The following SERPINI1 variants were observed in gnomAD, a reference collection of about 807,000 sequenced individuals.
SERPINI1 encodes the protein serpin family I member 1, also known as neuroserpin.
In SERPINI1, 19 loss-of-function variants were observed where a neutral mutation model predicts 41.1. The ratio of observed to expected loss-of-function variants is 0.46; its 90% CI spans 0.32 to 0.68. The LOEUF is 0.68. Among genes scored for constraint, SERPINI1 ranks in the 30% least tolerant of loss-of-function variants. The probability of loss-of-function intolerance (pLI) is 0.03; values close to 1 mark genes in which losing one functional copy is unlikely to be tolerated. For missense variants in SERPINI1, 460 were observed against 479.2 expected (o/e 0.96, Z 0.37); for synonymous variants, 138 against 156.6 (o/e 0.88, Z 0.89).
chr3:167,824,194 C>A (rs3792298), intron 7 of SERPINI1, among the ~76,000 whole-genome samples: 29,418 of 151,964 alleles, frequency 0.19, 2,974 homozygotes, highest in Non-Finnish European at 0.22. Context: ...TCATAACAAG[C>A]AGAATAAATT....
chr3:167,742,820 G>T (rs948108554), intron 1 of SERPINI1, among the ~76,000 whole-genome samples: 10 of 61,898 alleles, frequency 1.6e-4, no homozygotes, highest in Non-Finnish European at 2.3e-4. Flanking sequence ...GTGCCGTTTT[G>T]TGTGTGTGTG....
At chr3:167,786,587 G>A (rs189829625) in intron 1 of SERPINI1, among the ~76,000 whole-genome samples, 1 of 151,628 alleles carries the variant, frequency 6.6e-6, no homozygotes. Flanking sequence ...AATGGAGCTT[G>A]CATGGGTAGA....
intron 1 of SERPINI1, among the ~76,000 whole-genome samples, chr3:167,749,316 C>G (rs948559142): frequency 2.0e-5 from 3 of 152,134 alleles, no homozygotes; most frequent in Non-Finnish European, 4.4e-5. Flanking sequence ...TTGACTCCTT[C>G]TCAACATCCA....
chr3:167,780,218 A>C (rs1425617404), intron 1 of SERPINI1, among the ~76,000 whole-genome samples: 2 of 152,162 alleles, frequency 1.3e-5, no homozygotes, highest in African/African-American at 4.8e-5. Flanking sequence ...TTCATAGTGC[A>C]TTTCCTGATT....
At chr3:167,748,907 G>C (rs1041336063) in intron 1 of SERPINI1, among the ~76,000 whole-genome samples, 1 of 151,960 alleles carries the variant, frequency 6.6e-6, no homozygotes, top group Admixed American at 6.6e-5. Flanking sequence ...ATTTGGGTTT[G>C]TTACCACTAG....
At chr3:167,779,561 A>C (rs1333792208) in intron 1 of SERPINI1, among the ~76,000 whole-genome samples, 1 of 152,228 alleles carries the variant, frequency 6.6e-6, no homozygotes, top group African/African-American at 2.4e-5. Flanking sequence ...AGAAAACTTC[A>C]AAACCCATAG....
chr3:167,790,413 A>G lies in SERPINI1; in HGVS notation c.292A>G (p.Thr98Ala). 1.2e-6 allele frequency: 2 copies of G among 1,613,990 alleles called. No homozygotes were observed. Among genetic ancestry groups the G allele is most frequent in the South Asian group, 2.2e-5 (2 of 91,076 alleles). Reference sequence around the variant, plus strand: ...CTTGAAGGAGTTTTCAAACATGGTAACTGCTAAAGAGAGCCAATATGTGAT... The same window carrying G: ...CTTGAAGGAGTTTTCAAACATGGTAGCTGCTAAAGAGAGCCAATATGTGAT... ...SFLKEFSNMV[T>A]AKESQYVMKI... is the part of the protein sequence containing the mutation. Residue 98 changes from threonine to alanine, a missense_variant, in exon 3 of 9, where the codon ACT becomes GCT. Transcript: ENST00000446050.
intron 1 of SERPINI1, among the ~76,000 whole-genome samples, chr3:167,788,649 G>C (rs141095886): frequency 6.6e-6 from 1 of 152,130 alleles, no homozygotes; most frequent in Non-Finnish European, 1.5e-5. Flanking sequence ...TCTGATCTCC[G>C]CTCACCAGTT....
At chr3:167,771,749 A>G (rs1012608346) in intron 1 of SERPINI1, among the ~76,000 whole-genome samples, 10 of 152,244 alleles carry the variant, frequency 6.6e-5, no homozygotes, top group African/African-American at 2.4e-4. Flanking sequence ...GATATGTTAA[A>G]TGTCATCCAC....
At chr3:167,792,124 A>AAAAC (rs201235281) in intron 3 of SERPINI1, among the ~76,000 whole-genome samples, 1 of 152,110 alleles carries the variant, frequency 6.6e-6, no homozygotes. Context: ...GACTGTTTGT[A>AAAAC]AAACAAACAA....
chr3:167,759,540 A>G (rs1726311547), intron 1 of SERPINI1, among the ~76,000 whole-genome samples: 1 of 151,946 alleles, frequency 6.6e-6, no homozygotes. Flanking sequence ...ATCAGATACC[A>G]AATATTCTCA....
chr3:167,807,520 A>G (rs963972740), intron 6 of SERPINI1, among the ~76,000 whole-genome samples, 179 bp downstream of exon 6: 1 of 152,210 alleles, frequency 6.6e-6, no homozygotes, highest in Non-Finnish European at 1.5e-5. Context: ...TAGTCTTAAC[A>G]TTAAGTTTAT....
chr3:167,819,369 C>T (rs1374291068), intron 6 of SERPINI1, among the ~76,000 whole-genome samples: 2 of 139,182 alleles, frequency 1.4e-5, no homozygotes, highest in African/African-American at 6.2e-5. Flanking sequence ...GGTTACTTAA[C>T]ACAATTTAAA....
At chr3:167,789,523 C>T in intron 2 of SERPINI1, 145 bp downstream of exon 2, 1 of 909,468 alleles carries the variant, frequency 1.1e-6, no homozygotes, top group Non-Finnish European at 1.7e-6. Context: ...GATTAGGAAA[C>T]CCAAGAAATG....
intron 5 of SERPINI1, 75 bp from the exon 6 acceptor site, chr3:167,807,169 A>G: frequency 9.9e-7 from 1 of 1,006,772 alleles, no homozygotes; most frequent in Non-Finnish European, 1.6e-6. Context: ...AAATATCCAC[A>G]TATCTAACAC....
At chr3:167,737,662 T>A (rs534859060) in intron 1 of SERPINI1, among the ~76,000 whole-genome samples, 14 of 152,282 alleles carry the variant, frequency 9.2e-5, no homozygotes, top group African/African-American at 3.4e-4. Context: ...ATAATTATAA[T>A]ACTACCAATG....
At chr3:167,787,291 A>T (rs985885550) in intron 1 of SERPINI1, among the ~76,000 whole-genome samples, 3 of 152,234 alleles carry the variant, frequency 2.0e-5, no homozygotes, top group Admixed American at 6.5e-5. Context: ...TTTTAAAATG[A>T]TAAGAAGTAT....
intron 1 of SERPINI1, among the ~76,000 whole-genome samples, chr3:167,764,741 C>G (rs1405887235): frequency 1.3e-5 from 2 of 152,220 alleles, no homozygotes; most frequent in Admixed American, 6.5e-5. Flanking sequence ...GTCCCTTCTA[C>G]CTATGAGCTT....
intron 6 of SERPINI1, among the ~76,000 whole-genome samples, chr3:167,810,154 C>G (rs1711820216): frequency 6.6e-6 from 1 of 152,034 alleles, no homozygotes; most frequent in Non-Finnish European, 1.5e-5. Flanking sequence ...TAGCATTTAT[C>G]TCTTCATCAT....
Sources: gnomAD v4.1 joint callset for allele counts (sites outside exome capture counted in the v4.1 genomes callset) on GRCh38, gnomAD v4.1.1 for gene constraint, MANE v1.5 for transcripts, NCBI Gene and HGNC (gene_info 2026-07-23, HGNC 2026-07-21) for gene names.